The following CALN1 variants were observed in gnomAD, a reference collection of about 807,000 sequenced individuals.
CALN1 encodes calcium-binding protein 8.
CALN1 carries 17 observed loss-of-function variants against 30.6 expected under a neutral mutation model. That is an observed-to-expected ratio of 0.56 (90% CI 0.38 to 0.83). The LOEUF (loss-of-function observed/expected upper bound fraction) is 0.83, where lower values mean the gene tolerates loss of function less well. Ranked by LOEUF, CALN1 falls within the 40% of genes least tolerant of loss-of-function variation. The pLI is 0.00. For synonymous variants in CALN1, 156 were observed against 131.4 expected, an observed-to-expected ratio of 1.19 and a Z score of -1.28; for missense variants, 291 against 354.9, an observed-to-expected ratio of 0.82 and a Z score of 1.45.
intron 5 of CALN1, among the ~76,000 whole-genome samples, chr7:71,862,275 T>C (rs1043447133): frequency 6.6e-6 from 1 of 152,234 alleles, no homozygotes; most frequent in Admixed American, 6.5e-5. Flanking sequence ...AGAATGCTGA[T>C]ACGATTTGGC....
At chr7:72,396,258 G>GGAAAGAAAGAA (rs1805941602) in intron 2 of CALN1, among the ~76,000 whole-genome samples, 2 of 109,708 alleles carry the variant, frequency 1.8e-5, no homozygotes, top group African/African-American at 3.7e-5. Context: ...AAAAAAAAAA[G>GGAAAGAAAGAA]AAAGAAAAAG....
intron 5 of CALN1, among the ~76,000 whole-genome samples, chr7:71,985,289 G>GT (rs1798605438): frequency 2.0e-5 from 3 of 152,142 alleles, no homozygotes; most frequent in Admixed American, 2.0e-4. Flanking sequence ...AAGGATGCAG[G>GT]TAAGTGGGAG....
At chr7:72,028,111 C>A (rs1287714917) in intron 4 of CALN1, among the ~76,000 whole-genome samples, 1 of 150,994 alleles carries the variant, frequency 6.6e-6, no homozygotes, top group African/African-American at 2.4e-5. Flanking sequence ...CTAAGATATG[C>A]CCACCAGGCT....
intron 5 of CALN1, among the ~76,000 whole-genome samples, chr7:72,020,209 AC>A: frequency 6.6e-6 from 1 of 152,266 alleles, no homozygotes; most frequent in Middle Eastern, 3.4e-3. Flanking sequence ...CAGGTGCATA[AC>A]ACCATGCCCA....
At chr7:72,301,287 T>C (rs1312845318) in intron 2 of CALN1, among the ~76,000 whole-genome samples, 1 of 151,810 alleles carries the variant, frequency 6.6e-6, no homozygotes, top group African/African-American at 2.4e-5. Flanking sequence ...GCTTGCTGGG[T>C]TTCCCACCCC....
chr7:72,323,885 A>C (rs1463467031), intron 2 of CALN1, among the ~76,000 whole-genome samples: 3 of 152,010 alleles, frequency 2.0e-5, no homozygotes, highest in Non-Finnish European at 4.4e-5. Context: ...CTGTACAAAA[A>C]ACACAAAAAT....
chr7:72,302,677 T>G (rs1355082450), intron 2 of CALN1, among the ~76,000 whole-genome samples: 1 of 151,926 alleles, frequency 6.6e-6, no homozygotes. Flanking sequence ...GTGGATCACT[T>G]GAGGTCAGGA....
At chr7:72,233,688 CAG>C (rs1794269339) in intron 3 of CALN1, among the ~76,000 whole-genome samples, 1 of 152,080 alleles carries the variant, frequency 6.6e-6, no homozygotes, top group East Asian at 1.9e-4. Context: ...CACTGGGCAA[CAG>C]AGCAAGGCCC....
At chr7:72,392,719 T>TA (rs1805653729) in intron 2 of CALN1, among the ~76,000 whole-genome samples, 1 of 152,086 alleles carries the variant, frequency 6.6e-6, no homozygotes, top group Non-Finnish European at 1.5e-5. Context: ...CACATATCTG[T>TA]AATCCCAGCA....
intron 3 of CALN1, among the ~76,000 whole-genome samples, chr7:72,193,200 A>G (rs1790752739): frequency 6.7e-6 from 1 of 148,538 alleles, no homozygotes; most frequent in Admixed American, 6.8e-5. Context: ...AAAAAAAGAA[A>G]AGAGAAAAAA....
In CALN1 at chr7:72,023,763, C is replaced by A; in HGVS notation, c.395G>T (p.Gly132Val). 6.2e-7 allele frequency: 1 copy of A among 1,613,290 alleles called. No homozygotes were observed. ...CATGAATTCATCAAAATCCACCTGG[C>A]CATCCCCTGCAAGGAGAAGATGTAA... ...IMQRLDMDGD[G>V]QVDFDEFMTI... The change falls in exon 5 of 7, where the codon GGC (glycine) becomes GTC (valine). Residue 132 changes from glycine to valine, a missense_variant. Gly to Val is a moderately radical substitution (Grantham distance 109). This residue lies in a region of CALN1 where 169 missense variants were observed against 251.7 expected (regional missense o/e 0.67). Transcript: ENST00000395275.
At chr7:72,184,935 G>A (rs147022628) in intron 3 of CALN1, among the ~76,000 whole-genome samples, 1 of 152,126 alleles carries the variant, frequency 6.6e-6, no homozygotes, top group East Asian at 1.9e-4. Context: ...GGGACTACAG[G>A]TGCACATCAA....
intron 3 of CALN1, among the ~76,000 whole-genome samples, chr7:72,149,232 G>A (rs113791338): frequency 0.029 from 4,341 of 152,202 alleles, 116 homozygotes; most frequent in Admixed American, 0.079. Flanking sequence ...TTGGGAGACC[G>A]AGGCGGGTGG....
At chr7:72,143,413 G>C (rs1259909207) in intron 3 of CALN1, among the ~76,000 whole-genome samples, 3 of 152,078 alleles carry the variant, frequency 2.0e-5, no homozygotes, top group African/African-American at 7.2e-5. Context: ...AGCTAGAAGA[G>C]AACTTTAGAG....
chr7:72,252,583 TG>T (rs1795632679), intron 3 of CALN1, among the ~76,000 whole-genome samples: 1 of 146,256 alleles, frequency 6.8e-6, no homozygotes, highest in Admixed American at 7.0e-5. Context: ...CACTCCAGCC[TG>T]AATGACAGAG....
the CALN1 span, among the ~76,000 whole-genome samples, chr7:72,452,890 G>C: frequency 2.0e-5 from 3 of 152,104 alleles, no homozygotes; most frequent in Non-Finnish European, 4.4e-5. Flanking sequence ...GCAATGTGGG[G>C]GCCAGGCTCT....
At chr7:72,255,919 G>A (rs1041043262) in intron 3 of CALN1, among the ~76,000 whole-genome samples, 1 of 151,900 alleles carries the variant, frequency 6.6e-6, no homozygotes, top group African/African-American at 2.4e-5. Flanking sequence ...TAGTAGAAAT[G>A]AGGTTTCACC....
rs1193650254 is a variant in CALN1 at position 72,169,074 on chromosome 7, G to A, written c.245-62780C>T. Among the ~76,000 whole-genome samples, 5 of 151,838 alleles carry A rather than the reference G, an allele frequency of 3.3e-5. No individual in the cohort carries two copies. In the South Asian group the frequency reaches 8.3e-4, roughly 25 times the overall value. On this transcript the variant is annotated intron_variant, in intron 3 of 6. Transcript: ENST00000395275. ...ACCCGCCTTGGCCTCCCAAAGTGCT[G>A]GGACTTCAGGCATGAGCCACCACAT...
chr7:72,175,895 C>T (rs1437251837), intron 3 of CALN1, among the ~76,000 whole-genome samples: 2 of 152,064 alleles, frequency 1.3e-5, no homozygotes, highest in African/African-American at 4.8e-5. Flanking sequence ...ACAATGGGCC[C>T]CAGTAAAACA....
Sources: gnomAD v4.1 joint callset for allele counts (sites outside exome capture counted in the v4.1 genomes callset) on GRCh38, gnomAD v4.1.1 for gene constraint, gnomAD v4.1.1 regional missense constraint, MANE v1.5 for transcripts, NCBI Gene and HGNC (gene_info 2026-07-23, HGNC 2026-07-21) for gene names.